The following USP10 variants were observed in gnomAD, a reference collection of about 807,000 sequenced individuals.
USP10 encodes the protein ubiquitin carboxyl-terminal hydrolase 10.
Under a neutral mutation model 84.5 loss-of-function variants are expected in USP10, and 22 were observed. The observed-to-expected ratio is 0.26, with a 90% CI of 0.19 to 0.37. USP10 has a LOEUF of 0.37. USP10 is among the 10% of genes least tolerant of loss of function. USP10 has a pLI of 1.00. For missense variants in USP10, 1,019 were observed against 998.9 expected, an observed-to-expected ratio of 1.02 and a Z score of -0.27; for synonymous variants, 454 against 387.6, an observed-to-expected ratio of 1.17 and a Z score of -2.01.
At chr16:84,711,316 A>G (rs1192565813) in intron 1 of USP10, among the ~76,000 whole-genome samples, 1 of 152,118 alleles carries the variant, frequency 6.6e-6, no homozygotes, top group Non-Finnish European at 1.5e-5. Context: ...GTTGCTCTGC[A>G]CCCCACATCT....
intron 1 of USP10, among the ~76,000 whole-genome samples, chr16:84,701,627 A>C (rs1333281550): frequency 2.0e-5 from 3 of 152,240 alleles, no homozygotes; most frequent in Non-Finnish European, 4.4e-5. Flanking sequence ...CTTTAGGCAT[A>C]GCTCACTTCC....
Position 84,758,820 on chromosome 16 carries a change from G to T in USP10, c.1284+13G>T. On this transcript the variant is annotated intron_variant, in intron 5 of 13. Transcript: ENST00000219473. ...CTACATTAATGCTGTATCCTTCCTGGACGCCGTCCGCAAGGCCAGCTTGTT... is the reference window on the plus strand; with the variant it reads ...CTACATTAATGCTGTATCCTTCCTGTACGCCGTCCGCAAGGCCAGCTTGTT... 1 of 1,602,524 alleles carries T rather than the reference G, an allele frequency of 6.2e-7. No homozygotes were observed. Among genetic ancestry groups the T allele is most frequent in the South Asian group, 1.1e-5 (1 of 90,808 alleles).
chr16:84,763,661 C>T (rs552804820), intron 9 of USP10, among the ~76,000 whole-genome samples: 2 of 152,362 alleles, frequency 1.3e-5, no homozygotes, highest in African/African-American at 4.8e-5. Context: ...TTTATGTAAA[C>T]AAGGATCCAG....
intron 4 of USP10, among the ~76,000 whole-genome samples, chr16:84,747,767 A>C (rs1057287695): frequency 6.6e-6 from 1 of 151,818 alleles, no homozygotes; most frequent in Non-Finnish European, 1.5e-5. Context: ...GGGTTTCACC[A>C]TGCTGCCCAG....
At chr16:84,700,286 G>C (rs868212211) in intron 1 of USP10, among the ~76,000 whole-genome samples, 175 bp downstream of exon 1, 1 of 151,888 alleles carries the variant, frequency 6.6e-6, no homozygotes. Context: ...CGCCCGCCGC[G>C]CCTTCGTCCC....
intron 1 of USP10, among the ~76,000 whole-genome samples, chr16:84,724,504 C>G (rs1908204792): frequency 6.6e-6 from 1 of 152,154 alleles, no homozygotes; most frequent in African/African-American, 2.4e-5. Flanking sequence ...AGAGAGGCTG[C>G]CTGTGAGAGT....
intron 1 of USP10, among the ~76,000 whole-genome samples, chr16:84,702,102 G>A (rs1243962380): frequency 1.4e-5 from 2 of 140,640 alleles, no homozygotes; most frequent in Non-Finnish European, 3.0e-5. Flanking sequence ...TGTCGCCCAG[G>A]CTGGAGTGCA....
intron 1 of USP10, among the ~76,000 whole-genome samples, chr16:84,712,245 A>G (rs1474047965): frequency 3.3e-5 from 5 of 152,198 alleles, no homozygotes; most frequent in East Asian, 3.8e-4. Context: ...TCAGCTGTGT[A>G]CAGAGGCCCT....
Position 84,745,154 on chromosome 16 carries a change from G to C in USP10, c.673G>C (p.Asp225His), listed in dbSNP as rs779001911. ...AGACTCTGTCAGTGACATTGTGCCT[G>C]ACAGTCCTTTCCCCGGAGCACTCGG... ...STDSVSDIVP[D>H]SPFPGALGSD... is the part of the protein sequence containing the mutation. The change falls in exon 4 of 14, where the codon GAC becomes CAC. Residue 225 changes from aspartate (D) to histidine (H), a missense_variant. Physicochemically the swap from Asp to His is moderately conservative, Grantham distance 81. Transcript: ENST00000219473. The C allele has an allele frequency of 1.2e-6, 2 of 1,613,454 alleles. No individual in the cohort carries two copies. The highest frequency in any genetic ancestry group is 1.7e-6 in the Non-Finnish European group (2 of 1,179,700).
intron 1 of USP10, among the ~76,000 whole-genome samples, chr16:84,717,777 T>G (rs1597290805): frequency 6.6e-6 from 1 of 152,326 alleles, no homozygotes; most frequent in South Asian, 2.1e-4. Flanking sequence ...TCTACTGCCT[T>G]TGATTCATTG....
rs377254205 is a variant in USP10 at position 84,768,281 on chromosome 16, C to T, written c.1921C>T (p.Arg641Cys). Residue 641 changes from arginine to cysteine, a missense_variant, in exon 11 of 14, where the codon CGC becomes TGC. Arg to Cys is a radical substitution (Grantham distance 180). Around this residue, in one of 2 missense-constraint regions of USP10, gnomAD observed 232 missense variants for 290.1 expected, o/e 0.80. Transcript: ENST00000219473. ...LQLDIQSDKI[R>C]TVQDALESLV... ...GTTGGATATCCAGTCAGACAAGATA[C>T]GCACAGTCCAGGATGCACTGGAGAG... 17 of 1,607,934 alleles carry T rather than the reference C, an allele frequency of 1.1e-5. No homozygotes were observed. Among genetic ancestry groups the T allele is most frequent in the African/African-American group, 8.0e-5 (6 of 74,842 alleles).
chr16:84,730,352 A>C (rs920492071), intron 1 of USP10, among the ~76,000 whole-genome samples: 10 of 152,052 alleles, frequency 6.6e-5, no homozygotes, highest in African/African-American at 2.4e-4. Flanking sequence ...GTCTGTACCT[A>C]AAGTTCTTCC....
chr16:84,720,495 A>G (rs1422807767), intron 1 of USP10, among the ~76,000 whole-genome samples: 1 of 151,706 alleles, frequency 6.6e-6, no homozygotes, highest in Non-Finnish European at 1.5e-5. Flanking sequence ...ATCTGAAGTG[A>G]CTGAGTAATG....
At position 84,740,304 on chromosome 16, in the gene USP10, T is replaced by A; in HGVS notation, c.91-5T>A. The A allele has an allele frequency of 6.2e-7, 1 of 1,607,900 alleles. No individual in the cohort carries two copies. Among genetic ancestry groups the A allele is most frequent in the Non-Finnish European group, 8.5e-7 (1 of 1,177,072 alleles). ...TTAAAATTTGTTTTCTGATTCCTTGTGCAGCTTCCTCCATACAGTGGAACA... is the reference window on the plus strand; with the variant it reads ...TTAAAATTTGTTTTCTGATTCCTTGAGCAGCTTCCTCCATACAGTGGAACA... On this transcript the variant is annotated splice_region_variant and splice_polypyrimidine_tract_variant and intron_variant, in intron 2 of 13. Transcript: ENST00000219473.
intron 1 of USP10, among the ~76,000 whole-genome samples, chr16:84,720,327 A>C (rs1281949722): frequency 6.6e-6 from 1 of 152,174 alleles, no homozygotes; most frequent in Admixed American, 6.6e-5. Flanking sequence ...AATCCTGTAG[A>C]ACAGATGGCA....
intron 2 of USP10, among the ~76,000 whole-genome samples, chr16:84,739,881 T>C (rs919176501): frequency 2.6e-5 from 4 of 152,232 alleles, no homozygotes; most frequent in African/African-American, 7.2e-5. Context: ...CTCTACTGGC[T>C]GTGTTGCAAT....
intron 2 of USP10, among the ~76,000 whole-genome samples, chr16:84,734,852 C>G (rs1355802342): frequency 6.6e-6 from 1 of 152,096 alleles, no homozygotes; most frequent in South Asian, 2.1e-4. Flanking sequence ...AACTCCCTGC[C>G]CCTGTGGCCC....
At chr16:84,733,339 A>T in intron 1 of USP10, 96 bp from the exon 2 acceptor site, 1 of 970,164 alleles carries the variant, frequency 1.0e-6, no homozygotes, top group East Asian at 2.5e-5. Context: ...TTATGGCCCA[A>T]ATGTTGCATA....
chr16:84,777,511 G>A (rs1915140357), intron 13 of USP10, among the ~76,000 whole-genome samples: 1 of 152,204 alleles, frequency 6.6e-6, no homozygotes, highest in Admixed American at 6.5e-5. Context: ...GTGCAGCACA[G>A]GATGAAGCTA....
Sources: allele counts gnomAD v4.1 joint callset (sites outside exome capture counted in the v4.1 genomes callset), GRCh38; gene constraint gnomAD v4.1.1; regional missense constraint gnomAD v4.1.1; transcripts MANE v1.5; gene names NCBI Gene and HGNC (gene_info 2026-07-23, HGNC 2026-07-21).